The following MCU variants were observed in gnomAD, a reference collection of about 807,000 sequenced individuals.
MCU encodes the protein calcium uniporter protein, mitochondrial.
MCU carries 12 observed loss-of-function variants against 45.2 expected under a neutral mutation model. That is an observed-to-expected ratio of 0.27 (90% confidence interval 0.17 to 0.43). The LOEUF is 0.43. Ranked by LOEUF, MCU falls within the 20% of genes least tolerant of loss-of-function variation. The pLI, the probability that MCU is intolerant of heterozygous loss-of-function variation, is 1.00. For synonymous variants in MCU, 160 were observed against 165.1 expected (o/e 0.97, Z 0.24); for missense variants, 324 against 436.7 (o/e 0.74, Z 2.30).
chr10:72,774,733 A>G (rs117379828), intron 1 of MCU, among the ~76,000 whole-genome samples: 1 of 152,304 alleles, frequency 6.6e-6, no homozygotes, highest in East Asian at 1.9e-4. Context: ...ACCAAAAAAG[A>G]GTAGGAGTAG....
Position 72,885,990 on chromosome 10 carries a change from G to A in MCU, c.*168G>A, listed in dbSNP as rs1845769576. On this transcript the variant is annotated 3_prime_UTR_variant, in exon 8 of 8. Coordinates refer to ENST00000373053, the MANE Select transcript of MCU (RefSeq NM_138357.3). The stretch of plus-strand genomic sequence containing the variant: ...GGAAGAAGGGAATGTTAAAACCTGA[G>A]GATCAGGCATTGTGGAATATAAGCT... 3.4e-6 allele frequency: 2 copies of A among 584,212 alleles called. No homozygotes were observed. Among genetic ancestry groups the A allele is most frequent in the African/African-American group, 1.9e-5 (1 of 53,300 alleles). The allele number at this position is 584,212 out of a possible 1,614,324, so 36.2% of individuals were successfully genotyped here. A position where few individuals can be genotyped will look rare whatever the true frequency, so the allele number is the denominator to read the frequency against.
chr10:72,839,090 A>G (rs1448582835), intron 2 of MCU, among the ~76,000 whole-genome samples: 1 of 151,984 alleles, frequency 6.6e-6, no homozygotes, highest in Non-Finnish European at 1.5e-5. Flanking sequence ...CCTGGGTTCA[A>G]GCAATTCTCG....
At chr10:72,807,529 A>T (rs1844471017) in intron 1 of MCU, among the ~76,000 whole-genome samples, 1 of 152,190 alleles carries the variant, frequency 6.6e-6, no homozygotes, top group Non-Finnish European at 1.5e-5. Context: ...TAGTGTAATC[A>T]AACTCCAAAA....
At chr10:72,864,012 A>T (rs1845417803) in intron 4 of MCU, among the ~76,000 whole-genome samples, 1 of 152,218 alleles carries the variant, frequency 6.6e-6, no homozygotes, top group Non-Finnish European at 1.5e-5. Flanking sequence ...ACCATGCATG[A>T]TGCCATTTGC....
intron 1 of MCU, among the ~76,000 whole-genome samples, chr10:72,703,825 G>C (rs1343542340): frequency 6.6e-5 from 10 of 152,008 alleles, no homozygotes. Context: ...GAACCCAGGA[G>C]GCAGAGGCTG....
At chr10:72,706,828 C>T (rs1360832587) in intron 1 of MCU, among the ~76,000 whole-genome samples, 1 of 149,280 alleles carries the variant, frequency 6.7e-6, no homozygotes, top group Non-Finnish European at 1.5e-5. Context: ...AACCACCGCA[C>T]CCGGCCTTTT....
intron 1 of MCU, among the ~76,000 whole-genome samples, chr10:72,793,682 C>T (rs1288416648): frequency 6.6e-6 from 1 of 151,980 alleles, no homozygotes; most frequent in Non-Finnish European, 1.5e-5. Context: ...ATTAGCTGGG[C>T]CCTTGGTTGG....
chr10:72,778,972 CTT>C (rs1308472222), intron 1 of MCU, among the ~76,000 whole-genome samples: 1 of 151,946 alleles, frequency 6.6e-6, no homozygotes, highest in Admixed American at 6.6e-5. Context: ...AGTATATTTT[CTT>C]TTTCTTTTTT....
chr10:72,718,438 A>G (rs1842979987), intron 1 of MCU, among the ~76,000 whole-genome samples: 1 of 152,326 alleles, frequency 6.6e-6, no homozygotes, highest in East Asian at 1.9e-4. Context: ...TCCTTTGGGA[A>G]TGATGTGGAT....
chr10:72,724,012 T>TG (rs1843063061), intron 1 of MCU, among the ~76,000 whole-genome samples: 1 of 152,250 alleles, frequency 6.6e-6, no homozygotes, highest in African/African-American at 2.4e-5. Flanking sequence ...CCCATCCTTT[T>TG]GTCTCTAGAT....
At chr10:72,796,652 T>C (rs1382366261) in intron 1 of MCU, among the ~76,000 whole-genome samples, 1 of 151,752 alleles carries the variant, frequency 6.6e-6, no homozygotes, top group Admixed American at 6.6e-5. Context: ...TAGGTAGTAC[T>C]ACAGGTGCGT....
chr10:72,695,991 G>A (rs965211909), intron 1 of MCU, among the ~76,000 whole-genome samples: 6 of 150,652 alleles, frequency 4.0e-5, no homozygotes, highest in Admixed American at 1.3e-4. Context: ...GTGAAACCTC[G>A]TCTCTACTAA....
intron 1 of MCU, among the ~76,000 whole-genome samples, chr10:72,800,513 GA>G (rs1564560479): frequency 6.6e-6 from 1 of 152,142 alleles, no homozygotes; most frequent in Non-Finnish European, 1.5e-5. Flanking sequence ...AAAACAGATG[GA>G]AAAGCCTGTT....
At chr10:72,866,411 T>G (rs1048357725) in intron 4 of MCU, among the ~76,000 whole-genome samples, 2 of 152,086 alleles carry the variant, frequency 1.3e-5, no homozygotes, top group East Asian at 1.9e-4. Flanking sequence ...TTTTTTTGTG[T>G]TTTTTTGTTT....
chr10:72,704,728 T>A (rs1279452484), intron 1 of MCU, among the ~76,000 whole-genome samples: 1 of 144,498 alleles, frequency 6.9e-6, no homozygotes, highest in East Asian at 2.0e-4. Context: ...TTTTTTTTTT[T>A]TTTTGAGACG....
chr10:72,796,251 C>A (rs1013884219), intron 1 of MCU, among the ~76,000 whole-genome samples: 1 of 152,050 alleles, frequency 6.6e-6, no homozygotes, highest in South Asian at 2.1e-4. Flanking sequence ...CCAGCCTGGC[C>A]AACATAGTGA....
intron 1 of MCU, among the ~76,000 whole-genome samples, chr10:72,695,273 T>C (rs1460428589): frequency 6.6e-6 from 1 of 152,256 alleles, no homozygotes; most frequent in Admixed American, 6.5e-5. Context: ...AGTTTGTGGC[T>C]GACTTGCTCT....
intron 6 of MCU, among the ~76,000 whole-genome samples, chr10:72,876,938 T>C (rs1481639418): frequency 2.0e-5 from 3 of 151,714 alleles, no homozygotes; most frequent in African/African-American, 7.3e-5. Context: ...TTTTTTTTTT[T>C]TGAGACAGGG....
At chr10:72,780,562 TGGAAGAGA>T (rs1843976865) in intron 1 of MCU, among the ~76,000 whole-genome samples, 1 of 51,452 alleles carries the variant, frequency 1.9e-5, no homozygotes, top group African/African-American at 5.5e-5. Context: ...TGGGTGAATT[TGGAAGAGA>T]GGAAGAGAGA....
Sources: allele counts gnomAD v4.1 joint callset (sites outside exome capture counted in the v4.1 genomes callset), GRCh38; gene constraint gnomAD v4.1.1; transcripts MANE v1.5; gene names NCBI Gene and HGNC (gene_info 2026-07-23, HGNC 2026-07-21).